Variants in SLCO4C1 observed in about 807,000 individuals in gnomAD.
SLCO4C1 encodes organic anion transporter M1.
A neutral mutation model predicts 72.1 loss-of-function variants in SLCO4C1; 58 were observed. That is an observed-to-expected ratio of 0.80 (90% confidence interval 0.65 to 1.00). The LOEUF is 1.00. Ranked by LOEUF, SLCO4C1 falls within the 50% of genes least tolerant of loss-of-function variation. SLCO4C1 has a pLI of 0.00. For missense variants in SLCO4C1, 898 were observed against 857.9 expected (o/e 1.05, Z -0.58); for synonymous variants, 297 against 312.5 (o/e 0.95, Z 0.52).
intron 2 of SLCO4C1, among the ~76,000 whole-genome samples, chr5:102,287,842 T>C (rs1020144231): frequency 6.6e-6 from 1 of 152,050 alleles, no homozygotes; most frequent in Non-Finnish European, 1.5e-5. Flanking sequence ...GCATGAGTCA[T>C]TGCGCCCGGC....
intron 3 of SLCO4C1, among the ~76,000 whole-genome samples, chr5:102,266,136 T>C (rs1379933810): frequency 1.3e-5 from 2 of 152,184 alleles, no homozygotes; most frequent in African/African-American, 2.4e-5. Context: ...ATACTACTGA[T>C]TTTTTTAATG....
chr5:102,240,679 T>C, intron 11 of SLCO4C1, 39 bp downstream of exon 11: 1 of 1,545,746 alleles, frequency 6.5e-7, no homozygotes, highest in Non-Finnish European at 8.9e-7. Context: ...TGAACCAAAA[T>C]AGCCAACAGT....
At chr5:102,258,776 C>T (rs967874579) in intron 6 of SLCO4C1, among the ~76,000 whole-genome samples, 8 of 151,652 alleles carry the variant, frequency 5.3e-5, no homozygotes, top group African/African-American at 1.2e-4. Flanking sequence ...CACACACACA[C>T]GGAGTCACAA....
Position 102,234,346 on chromosome 5 carries a change from T to C in SLCO4C1, c.*2512A>G, listed in dbSNP as rs917098599. On this transcript the variant is annotated 3_prime_UTR_variant, in exon 13 of 13. Coordinates refer to ENST00000310954, the MANE Select transcript of SLCO4C1 (RefSeq NM_180991.5). ...AGGTGAACCCAAAAGTAAAAAATAA[T>C]GATTATAAATTATGGTAGTGTCTGT... 1 of 152,562 alleles carries C rather than the reference T, an allele frequency of 6.6e-6. No individual in the cohort carries two copies. The highest frequency in any genetic ancestry group is 2.4e-5 in the African/African-American group (1 of 41,438). 9.5% of individuals were successfully genotyped at this position (152,562 alleles called of 1,614,324 possible).
At chr5:102,258,701 T>C (rs963891995) in intron 6 of SLCO4C1, among the ~76,000 whole-genome samples, 13 of 151,812 alleles carry the variant, frequency 8.6e-5, no homozygotes, top group African/African-American at 2.4e-4. Flanking sequence ...AAATTATAGT[T>C]CTCAAATATT....
At chr5:102,262,642 A>T (rs1273109696) in intron 4 of SLCO4C1, among the ~76,000 whole-genome samples, 2 of 151,882 alleles carry the variant, frequency 1.3e-5, no homozygotes, top group African/African-American at 2.4e-5. Context: ...GCCTCAAGTG[A>T]TCCTTACACT....
Position 102,270,747 on chromosome 5 carries a change from T to C in SLCO4C1, c.679A>G (p.Asn227Asp), listed in dbSNP as rs780732639. 6.2e-6 allele frequency: 10 copies of C among 1,612,636 alleles called. No homozygotes were observed. The South Asian group carries it at 7.7e-5, about 12-fold the overall frequency. The change falls in exon 3 of 13, where the codon AAC becomes GAC. Residue 227 changes from asparagine (N) to aspartate (D), a missense_variant. By Grantham distance (23) the Asn-to-Asp change is conservative (BLOSUM62 1). Coordinates refer to ENST00000310954, the MANE Select transcript of SLCO4C1 (RefSeq NM_180991.5). ...SCTSSTSSLS[N>D]YLYVFILGQL... is the part of the protein sequence containing the mutation. Reference sequence around the variant, plus strand: ...CCCAAGATGAAGACATACAAGTAGTTAGAAAGTGAAGAAGTTGAAGATGTA... The same window carrying C: ...CCCAAGATGAAGACATACAAGTAGTCAGAAAGTGAAGAAGTTGAAGATGTA...
intron 2 of SLCO4C1, among the ~76,000 whole-genome samples, chr5:102,275,723 G>A (rs1014421969): frequency 2.6e-5 from 4 of 152,070 alleles, no homozygotes; most frequent in African/African-American, 4.8e-5. Flanking sequence ...AAATCTTCTT[G>A]GTTCTCGAAT....
At chr5:102,251,961 GGA>G (rs572332242) in intron 8 of SLCO4C1, among the ~76,000 whole-genome samples, 2 of 151,604 alleles carry the variant, frequency 1.3e-5, no homozygotes, top group African/African-American at 4.8e-5. Context: ...ACAGATTGAG[GGA>G]GAGAGAGAAA....
chr5:102,251,376 G>T (rs988890135), intron 8 of SLCO4C1, among the ~76,000 whole-genome samples: 11 of 152,194 alleles, frequency 7.2e-5, no homozygotes, highest in Non-Finnish European at 1.3e-4. Flanking sequence ...TAGAACATAT[G>T]ATGATAGGAA....
intron 1 of SLCO4C1, among the ~76,000 whole-genome samples, chr5:102,295,320 A>G (rs62372167): frequency 0.04 from 6,052 of 152,280 alleles, 189 homozygotes; most frequent in Non-Finnish European, 0.062. Context: ...AGGCTCAACA[A>G]CGTCGGGAGC....
At chr5:102,239,768 T>C (rs1370204765) in intron 11 of SLCO4C1, among the ~76,000 whole-genome samples, 1 of 152,078 alleles carries the variant, frequency 6.6e-6, no homozygotes, top group Non-Finnish European at 1.5e-5. Flanking sequence ...TCTGCTGAAC[T>C]ATAGTATATG....
intron 3 of SLCO4C1, among the ~76,000 whole-genome samples, chr5:102,265,536 T>A (rs1749021160): frequency 6.6e-6 from 1 of 152,196 alleles, no homozygotes; most frequent in African/African-American, 2.4e-5. Context: ...CTTCTGCATA[T>A]CAATATCCAG....
chr5:102,260,350 A>G, intron 5 of SLCO4C1, 31 bp from the exon 6 acceptor site: 1 of 272,758 alleles, frequency 3.7e-6, no homozygotes, highest in Non-Finnish European at 5.7e-6. Flanking sequence ...TATATATAAT[A>G]TATATATTAT....
At chr5:102,285,281 T>A (rs841935) in intron 2 of SLCO4C1, among the ~76,000 whole-genome samples, 81,582 of 151,336 alleles carry the variant, frequency 0.54, 23,227 homozygotes, top group African/African-American at 0.71. Context: ...ACATATATAT[T>A]TTTTTTTGTT....
intron 10 of SLCO4C1, among the ~76,000 whole-genome samples, chr5:102,245,330 C>A (rs1415326515): frequency 6.6e-6 from 1 of 151,786 alleles, no homozygotes; most frequent in African/African-American, 2.4e-5. Context: ...CACACATAGA[C>A]TGAAAATAAA....
In SLCO4C1 at chr5:102,260,321, TA is replaced by T. The variant is rs746119680; in HGVS notation, c.1022-3del. On this transcript the variant is annotated splice_polypyrimidine_tract_variant and splice_region_variant and intron_variant, in intron 5 of 12. Coordinates refer to ENST00000310954, the MANE Select transcript of SLCO4C1 (RefSeq NM_180991.5). Reference sequence around the variant, plus strand: ...TTCCAGCTTGAATTTCTGCTGTACCTAAAAAAAAAATATATATATATATATA... The same window carrying T: ...TTCCAGCTTGAATTTCTGCTGTACCTAAAAAAAAATATATATATATATATA... The T allele has an allele frequency of 2.7e-3, 1,088 of 404,702 alleles. 2 individuals carry two copies. Among genetic ancestry groups the T allele is most frequent in the South Asian group, 4.3e-3 (66 of 15,422 alleles). 25.1% of individuals were successfully genotyped at this position (404,702 alleles called of 1,614,324 possible).
intron 10 of SLCO4C1, among the ~76,000 whole-genome samples, chr5:102,241,797 G>C (rs148238649): frequency 0.012 from 1,866 of 152,164 alleles, 42 homozygotes; most frequent in African/African-American, 0.043. Flanking sequence ...AAAACAGCCA[G>C]AGGGTGGAAC....
chr5:102,237,483 C>G (rs1203401473), intron 12 of SLCO4C1, among the ~76,000 whole-genome samples: 1 of 151,774 alleles, frequency 6.6e-6, no homozygotes, highest in Non-Finnish European at 1.5e-5. Flanking sequence ...ATGGATGGTA[C>G]AGCCTGCAGT....
Sources: allele counts gnomAD v4.1 joint callset (sites outside exome capture counted in the v4.1 genomes callset), GRCh38; gene constraint gnomAD v4.1.1; transcripts MANE v1.5; gene names NCBI Gene and HGNC (gene_info 2026-07-23, HGNC 2026-07-21).